Variants in TSPAN12 observed in about 807,000 individuals in gnomAD.
TSPAN12 encodes tetraspanin 12.
Under a neutral mutation model 39.2 loss-of-function variants are expected in TSPAN12, and 19 were observed. That is an observed-to-expected ratio of 0.49 (90% confidence interval 0.34 to 0.71). The LOEUF (loss-of-function observed/expected upper bound fraction) is 0.71. Among genes scored for constraint, TSPAN12 ranks in the 30% least tolerant of loss-of-function variants. The pLI, the probability that TSPAN12 is intolerant of heterozygous loss-of-function variation, is 0.01. For synonymous variants in TSPAN12, 119 were observed against 124.8 expected (o/e 0.95, Z 0.31); for missense variants, 314 against 359.9 (o/e 0.87, Z 1.03).
intron 7 of TSPAN12, among the ~76,000 whole-genome samples, chr7:120,796,742 C>T (rs1210716397): frequency 6.6e-6 from 1 of 152,130 alleles, no homozygotes; most frequent in Non-Finnish European, 1.5e-5. Flanking sequence ...GGTCTTATTT[C>T]CCTCCATACC....
intron 5 of TSPAN12, chr7:120,814,148 G>A (rs183985236): frequency 1.8e-5 from 8 of 455,474 alleles, no homozygotes; most frequent in East Asian, 6.9e-5. Flanking sequence ...AAACAGTCTC[G>A]AAGCACAATA....
intron 4 of TSPAN12, among the ~76,000 whole-genome samples, chr7:120,823,744 T>G (rs1335972818): frequency 1.3e-5 from 2 of 152,188 alleles, no homozygotes. Flanking sequence ...CAAACAAAAT[T>G]GAAAGCAATT....
intron 2 of TSPAN12, among the ~76,000 whole-genome samples, chr7:120,856,476 C>T (rs2116519474): frequency 6.6e-6 from 1 of 152,282 alleles, no homozygotes; most frequent in South Asian, 2.1e-4. Context: ...AATTTTACTG[C>T]CAGTAGTATC....
At chr7:120,822,364 A>G (rs530458464) in intron 4 of TSPAN12, among the ~76,000 whole-genome samples, 1 of 152,206 alleles carries the variant, frequency 6.6e-6, no homozygotes, top group African/African-American at 2.4e-5. Context: ...CCCTAAAGAA[A>G]GCAGATTCAA....
chr7:120,856,771 CCCGTAAGG>C lies in TSPAN12; in HGVS notation c.-16_-9del. Reference sequence around the variant, plus strand: ...GGAATCTTCTCTGGCCATTGTGAGCCCCGTAAGGGAGAAGCCCCATCCTTTCACCACAT... The same window carrying C: ...GGAATCTTCTCTGGCCATTGTGAGCCGAGAAGCCCCATCCTTTCACCACAT... On this transcript the variant is annotated 5_prime_UTR_variant, in exon 2 of 8. Transcript: ENST00000222747. 1 of 1,614,136 alleles carries C rather than the reference CCCGTAAGG, an allele frequency of 6.2e-7. No homozygotes were observed. Among genetic ancestry groups the C allele is most frequent in the Non-Finnish European group, 8.5e-7 (1 of 1,180,004 alleles).
At chr7:120,836,159 G>A (rs1303578025) in intron 4 of TSPAN12, among the ~76,000 whole-genome samples, 1 of 152,184 alleles carries the variant, frequency 6.6e-6, no homozygotes, top group African/African-American at 2.4e-5. Flanking sequence ...GGAATAGGCA[G>A]CTATTTAGAG....
chr7:120,853,662 C>A (rs1794813580), intron 2 of TSPAN12, among the ~76,000 whole-genome samples: 1 of 150,438 alleles, frequency 6.6e-6, no homozygotes, highest in Non-Finnish European at 1.5e-5. Context: ...ATCATGAGGT[C>A]AGGAGTTCGA....
intron 6 of TSPAN12, 111 bp from the exon 7 acceptor site, chr7:120,806,803 A>G (rs1793883990): frequency 6.2e-6 from 8 of 1,294,850 alleles, no homozygotes; most frequent in Middle Eastern, 2.0e-4. Context: ...TATATCTGTC[A>G]TCACCTAATG....
intron 7 of TSPAN12, among the ~76,000 whole-genome samples, chr7:120,792,158 G>C (rs1054752232): frequency 2.0e-5 from 3 of 152,162 alleles, no homozygotes; most frequent in African/African-American, 7.2e-5. Flanking sequence ...AGAAAGCCAA[G>C]AGCCTGCAAT....
chr7:120,814,192 C>T (rs751536335), intron 5 of TSPAN12: 5 of 456,528 alleles, frequency 1.1e-5, no homozygotes, highest in African/African-American at 4.0e-5. Flanking sequence ...AAGACTACAT[C>T]AGCACCAGAA....
chr7:120,823,207 C>T (rs1454286050), intron 4 of TSPAN12, among the ~76,000 whole-genome samples: 1 of 151,890 alleles, frequency 6.6e-6, no homozygotes, highest in Non-Finnish European at 1.5e-5. Context: ...AATTCCAGAA[C>T]GGTAGTAAAG....
chr7:120,788,761 T>C lies in TSPAN12; in HGVS notation c.749A>G (p.Tyr250Cys), dbSNP rs1584917289. ...GTCTGTCCCCGGCTCCCTTCTATCA[T>C]AATACAGAGCCCAGAGCAGAGTAAT... The part of the protein sequence containing the change: ...LTITLLWALY[Y>C]DRREPGTDQM... The change falls in exon 8 of 8, where the codon TAT becomes TGT. Residue 250 changes from tyrosine to cysteine, a missense_variant. Tyr to Cys is a radical substitution (Grantham distance 194, BLOSUM62 -2). Transcript: ENST00000222747. 1.9e-6 allele frequency: 3 copies of C among 1,614,122 alleles called. No homozygotes were observed. The highest frequency in any genetic ancestry group is 2.5e-6 in the Non-Finnish European group (3 of 1,180,008).
At chr7:120,796,079 T>C (rs559612851) in intron 7 of TSPAN12, among the ~76,000 whole-genome samples, 1 of 152,224 alleles carries the variant, frequency 6.6e-6, no homozygotes, top group Non-Finnish European at 1.5e-5. Context: ...AAAAAAAATG[T>C]ATTTACAAAG....
chr7:120,805,246 A>C (rs1036864320), intron 7 of TSPAN12, among the ~76,000 whole-genome samples: 1 of 152,110 alleles, frequency 6.6e-6, no homozygotes, highest in Admixed American at 6.6e-5. Flanking sequence ...ATATCTATGA[A>C]TATAATGGAT....
intron 4 of TSPAN12, among the ~76,000 whole-genome samples, chr7:120,831,383 A>G (rs546743947): frequency 1.3e-5 from 2 of 152,094 alleles, no homozygotes; most frequent in Non-Finnish European, 2.9e-5. Flanking sequence ...GTCAAGACAT[A>G]AAAGCAACCT....
intron 7 of TSPAN12, among the ~76,000 whole-genome samples, chr7:120,803,985 C>T (rs1793822391): frequency 6.6e-6 from 1 of 152,026 alleles, no homozygotes; most frequent in South Asian, 2.1e-4. Context: ...AGAATTAGTC[C>T]ATATTCAGAC....
intron 2 of TSPAN12, among the ~76,000 whole-genome samples, chr7:120,844,749 A>G (rs1794640997): frequency 6.6e-6 from 1 of 152,162 alleles, no homozygotes; most frequent in Non-Finnish European, 1.5e-5. Flanking sequence ...ACAGGCTGCC[A>G]TTGAGTGCCT....
chr7:120,840,858 A>G (rs1429630019), intron 2 of TSPAN12, among the ~76,000 whole-genome samples: 1 of 152,176 alleles, frequency 6.6e-6, no homozygotes, highest in African/African-American at 2.4e-5. Context: ...CCATTTAACA[A>G]CCTTTTCTCA....
chr7:120,837,503 AG>A (rs1374640105), intron 4 of TSPAN12, among the ~76,000 whole-genome samples: 7 of 151,960 alleles, frequency 4.6e-5, no homozygotes, highest in Non-Finnish European at 1.0e-4. Context: ...TAGTAGAGAC[AG>A]GGTTTCACCG....
Sources: gnomAD v4.1 joint callset for allele counts (sites outside exome capture counted in the v4.1 genomes callset) on GRCh38, gnomAD v4.1.1 for gene constraint, MANE v1.5 for transcripts, NCBI Gene and HGNC (gene_info 2026-07-23, HGNC 2026-07-21) for gene names.